The following XRCC6 variants were observed in gnomAD, a reference collection of about 807,000 sequenced individuals.
XRCC6 encodes DNA repair protein Ku70.
Under a neutral mutation model 65.7 loss-of-function variants are expected in XRCC6, and 5 were observed. The ratio of observed to expected loss-of-function variants is 0.08; its 90% CI spans 0.04 to 0.16. The LOEUF is 0.16. XRCC6 is among the 10% of genes least tolerant of loss of function. The pLI is 1.00. For synonymous variants in XRCC6, 270 were observed against 270.6 expected, an observed-to-expected ratio of 1.00 and a Z score of 0.02; for missense variants, 447 against 738.1, an observed-to-expected ratio of 0.61 and a Z score of 4.57.
Position 41,636,541 on chromosome 22 carries a change from C to T in XRCC6, c.360C>T (p.Asp120=). 2 of 1,613,888 alleles carry T rather than the reference C, an allele frequency of 1.2e-6. No individual in the cohort carries two copies. Among genetic ancestry groups the T allele is most frequent in the Non-Finnish European group, 1.7e-6 (2 of 1,179,868 alleles). The change falls in exon 5 of 13, where the codon GAC becomes GAT. Residue 120 remains aspartate (D), a synonymous_variant. Transcript: ENST00000360079. ...GTGCAAAACGAATTCTAGAGCTTGACCAGTTTAAGGGGCAGCAGGGACAAA... is the reference window on the plus strand; with the variant it reads ...GTGCAAAACGAATTCTAGAGCTTGATCAGTTTAAGGGGCAGCAGGGACAAA... ...NPGAKRILEL[D]QFKGQQGQKR... is the part of the protein sequence containing the mutation.
rs534761909 is a variant in XRCC6, at chr22:41,662,728, T to C, written c.1637-894T>C. Among the ~76,000 whole-genome samples, 6 of 151,914 alleles carry C rather than the reference T, an allele frequency of 3.9e-5. No homozygotes were observed. The South Asian group carries it at 1.2e-3, about 32-fold the overall frequency. ...GATTTACCCTCTATCCAAGAAGGAG[T>C]GAATGTTTTCCTGCACTCTCACCCT... is the stretch of plus-strand genomic sequence containing the variant. On this transcript the variant is annotated intron_variant, in intron 12 of 12. Coordinates refer to ENST00000360079, the MANE Select transcript of XRCC6 (RefSeq NM_001469.5).
At chr22:41,637,864 C>T (rs1309973050) in intron 6 of XRCC6, 73 bp downstream of exon 6, 1 of 1,483,686 alleles carries the variant, frequency 6.7e-7, no homozygotes, top group Non-Finnish European at 9.0e-7. Context: ...GTGGCTCACA[C>T]CTGTAATCCC....
chr22:41,622,183 C>G, intron 2 of XRCC6, 97 bp downstream of exon 2: 1 of 1,229,950 alleles, frequency 8.1e-7, no homozygotes, highest in African/African-American at 1.5e-5. Context: ...ATGGCCTGCC[C>G]TTCTCCTCCC....
chr22:41,636,337 G>C, intron 4 of XRCC6, 86 bp downstream of exon 4: 1 of 1,508,192 alleles, frequency 6.6e-7, no homozygotes, highest in Non-Finnish European at 8.9e-7. Context: ...AAGGAAGCAA[G>C]TTACATCTTG....
At chr22:41,635,995 C>T in intron 3 of XRCC6, 118 bp from the exon 4 acceptor site, 2 of 860,706 alleles carry the variant, frequency 2.3e-6, no homozygotes, top group South Asian at 2.6e-5. Flanking sequence ...GGGATCTTGC[C>T]TTATTTTAGT....
chr22:41,639,593 C>A (rs2067851879), intron 6 of XRCC6, among the ~76,000 whole-genome samples: 1 of 151,366 alleles, frequency 6.6e-6, no homozygotes, highest in Non-Finnish European at 1.5e-5. Context: ...GAAATCCTCC[C>A]ATTTAGGCCT....
chr22:41,662,171 A>T (rs1428773632), intron 12 of XRCC6, among the ~76,000 whole-genome samples: 1 of 152,208 alleles, frequency 6.6e-6, no homozygotes, highest in East Asian at 1.9e-4. Flanking sequence ...CAGAGTGACT[A>T]TAGTCTAATT....
intron 11 of XRCC6, among the ~76,000 whole-genome samples, chr22:41,658,694 T>TC (rs1479839225): frequency 6.6e-6 from 1 of 152,184 alleles, no homozygotes; most frequent in Non-Finnish European, 1.5e-5. Flanking sequence ...GGCGGGTGGA[T>TC]CACGAGGTCA....
intron 7 of XRCC6, among the ~76,000 whole-genome samples, chr22:41,648,563 A>G (rs1202368341): frequency 2.6e-5 from 4 of 152,090 alleles, no homozygotes; most frequent in Non-Finnish European, 5.9e-5. Flanking sequence ...GACGCAGAAC[A>G]TTGTCTTTTC....
chr22:41,625,339 C>A (rs1299024338), intron 2 of XRCC6, among the ~76,000 whole-genome samples: 1 of 151,984 alleles, frequency 6.6e-6, no homozygotes, highest in East Asian at 1.9e-4. Context: ...TATTAAGAAG[C>A]AGCAGGCCAT....
At chr22:41,632,152 AGACCG>A (rs2067761899) in intron 3 of XRCC6, among the ~76,000 whole-genome samples, 2 of 151,766 alleles carry the variant, frequency 1.3e-5, no homozygotes, top group African/African-American at 4.9e-5. Context: ...GGGGAGAGGG[AGACCG>A]TGGGGAGAGG....
intron 3 of XRCC6, among the ~76,000 whole-genome samples, chr22:41,633,187 T>C (rs2067774353): frequency 6.6e-6 from 1 of 152,134 alleles, no homozygotes; most frequent in Non-Finnish European, 1.5e-5. Context: ...AATCGTTAAT[T>C]TAAAGTGGTT....
rs28741127 is a variant in XRCC6 at position 41,642,220 on chromosome 22, A to G, written c.773+4429A>G. Among the ~76,000 whole-genome samples, 554 of 152,312 alleles carry G rather than the reference A, an allele frequency of 3.6e-3. 1 individual carries two copies. Among genetic ancestry groups the G allele is most frequent in the Middle Eastern group, 0.02 (6 of 294 alleles). On this transcript the variant is annotated intron_variant, in intron 6 of 12. Transcript: ENST00000360079. ...TTTCCTTTCTTTGGGGTGTATACCT[A>G]GCAGTGGGATTGCTGGATCATACAG...
chr22:41,658,425 G>T, intron 11 of XRCC6, 73 bp downstream of exon 11: 1 of 1,404,868 alleles, frequency 7.1e-7, no homozygotes, highest in South Asian at 1.2e-5. Context: ...CCAGTAATTT[G>T]GGTGCATTTC....
chr22:41,659,932 C>T (rs894683801), intron 11 of XRCC6, among the ~76,000 whole-genome samples: 16 of 151,556 alleles, frequency 1.1e-4, no homozygotes, highest in Non-Finnish European at 1.9e-4. Flanking sequence ...GTGATCCACC[C>T]GCCTCGGCCT....
At chr22:41,658,799 C>T (rs28384769) in intron 11 of XRCC6, among the ~76,000 whole-genome samples, 5,259 of 152,118 alleles carry the variant, frequency 0.035, 115 homozygotes, top group South Asian at 0.081. Flanking sequence ...GGTGTGGTGG[C>T]GTGTGCCTGT....
chr22:41,653,453 A>G, intron 8 of XRCC6, 76 bp from the exon 9 acceptor site: 1 of 1,385,662 alleles, frequency 7.2e-7, no homozygotes, highest in South Asian at 1.4e-5. Context: ...AAAATGGAAG[A>G]GAAACTTTAG....
intron 8 of XRCC6, 98 bp from the exon 9 acceptor site, chr22:41,653,431 A>T: frequency 8.9e-7 from 1 of 1,123,248 alleles, no homozygotes; most frequent in Non-Finnish European, 1.3e-6. Context: ...AATTAAAATA[A>T]GCCCTTTAAA....
chr22:41,655,037 C>T (rs1423722402), intron 9 of XRCC6, among the ~76,000 whole-genome samples: 1 of 152,192 alleles, frequency 6.6e-6, no homozygotes, highest in Non-Finnish European at 1.5e-5. Flanking sequence ...ATGCTACCCA[C>T]CAGTTAGTCA....
Sources: allele counts gnomAD v4.1 joint callset (sites outside exome capture counted in the v4.1 genomes callset), GRCh38; gene constraint gnomAD v4.1.1; transcripts MANE v1.5; gene names NCBI Gene and HGNC (gene_info 2026-07-23, HGNC 2026-07-21).